Variants in BACE1 observed in about 807,000 individuals in gnomAD.
BACE1 encodes APP beta-secretase.
A neutral mutation model predicts 54.0 loss-of-function variants in BACE1; 21 were observed. That is an observed-to-expected ratio of 0.39 (90% CI 0.28 to 0.56). The LOEUF (loss-of-function observed/expected upper bound fraction) is 0.56. Ranked by LOEUF, BACE1 falls within the 20% of genes least tolerant of loss-of-function variation. BACE1 has a pLI of 0.63. For missense variants in BACE1, 511 were observed against 661.2 expected (o/e 0.77, Z 2.49); for synonymous variants, 232 against 260.9 (o/e 0.89, Z 1.07).
rs1415761194 is a variant in BACE1, at chr11:117,287,692, C to G, written c.*1874G>C. 1.3e-5 allele frequency: 2 copies of G among 152,578 alleles called. No homozygotes were observed. The highest frequency in any genetic ancestry group is 2.9e-5 in the Non-Finnish European group (2 of 68,012). The allele number at this position is 152,578 out of a possible 1,614,324, so 9.5% of individuals were successfully genotyped here. Reference sequence around the variant, plus strand: ...TGAAAGTTTATTTACACAGTAAGTTCCGAGCTAGAAGTGGACAGTCTCCAG... The same window carrying G: ...TGAAAGTTTATTTACACAGTAAGTTGCGAGCTAGAAGTGGACAGTCTCCAG... On this transcript the variant is annotated 3_prime_UTR_variant, in exon 9 of 9. Transcript: ENST00000313005.
At chr11:117,298,419 A>G (rs968897680) in intron 1 of BACE1, among the ~76,000 whole-genome samples, 12 of 152,094 alleles carry the variant, frequency 7.9e-5, no homozygotes, top group African/African-American at 2.9e-4. Context: ...ATGTCTCTCT[A>G]CCGTCACATC....
At chr11:117,306,342 C>T (rs887087853) in intron 1 of BACE1, among the ~76,000 whole-genome samples, 19 of 152,156 alleles carry the variant, frequency 1.2e-4, no homozygotes, top group African/African-American at 4.3e-4. Flanking sequence ...CTTGTCCCAC[C>T]CACAGGTTAC....
intron 1 of BACE1, among the ~76,000 whole-genome samples, chr11:117,307,821 C>T (rs2034864194): frequency 6.6e-6 from 1 of 152,128 alleles, no homozygotes; most frequent in African/African-American, 2.4e-5. Context: ...GGCTTGTGTG[C>T]AACCCGAGGC....
At chr11:117,300,455 C>CG (rs28989488) in intron 1 of BACE1, among the ~76,000 whole-genome samples, 7,434 of 152,158 alleles carry the variant, frequency 0.049, 605 homozygotes, top group African/African-American at 0.17. Flanking sequence ...CCATTCCAAG[C>CG]GGGGGGATGG....
intron 1 of BACE1, among the ~76,000 whole-genome samples, chr11:117,313,163 A>G (rs1274507829): frequency 6.6e-6 from 1 of 152,198 alleles, no homozygotes; most frequent in African/African-American, 2.4e-5. Flanking sequence ...AGATGGGGAG[A>G]GAGTCCAAGC....
chr11:117,300,226 C>T (rs1310780718), intron 1 of BACE1, among the ~76,000 whole-genome samples: 2 of 152,100 alleles, frequency 1.3e-5, no homozygotes, highest in Non-Finnish European at 2.9e-5. Flanking sequence ...CCCAATACTA[C>T]GATTTCAGGT....
Position 117,295,274 on chromosome 11 carries a change from C to A in BACE1, c.424G>T (p.Gly142Cys), listed in dbSNP as rs1260612355. The stretch of plus-strand genomic sequence containing the variant: ...TGGGGGATGCTTACCAGGTCGGTGC[C>A]CAGCTCCCCTTCCCACTTGCCCTGG... ...YTQGKWEGEL[G>C]TDLVSIPHGP... is the part of the protein sequence containing the mutation. The change falls in exon 3 of 9, where the codon GGC (glycine) becomes TGC (cysteine). Residue 142 changes from glycine to cysteine, a missense_variant. Physicochemically the swap from Gly to Cys is radical, Grantham distance 159. Transcript: ENST00000313005. 6.2e-7 allele frequency: 1 copy of A among 1,614,078 alleles called. No homozygotes were observed. Among genetic ancestry groups the A allele is most frequent in the Non-Finnish European group, 8.5e-7 (1 of 1,180,060 alleles).
intron 1 of BACE1, among the ~76,000 whole-genome samples, chr11:117,297,756 G>T (rs1431303149): frequency 6.6e-6 from 1 of 152,210 alleles, no homozygotes; most frequent in Admixed American, 6.5e-5. Context: ...GGTGATGTAT[G>T]TGTCTTTCAG....
intron 1 of BACE1, among the ~76,000 whole-genome samples, chr11:117,311,225 C>T (rs1033635253): frequency 1.3e-5 from 2 of 152,030 alleles, no homozygotes; most frequent in African/African-American, 4.8e-5. Flanking sequence ...TGCCTGTAAT[C>T]CAAGTTACTC....
chr11:117,289,539 ATC>A lies in BACE1; in HGVS notation c.*25_*26del, dbSNP rs763190161. On this transcript the variant is annotated 3_prime_UTR_variant, in exon 9 of 9. Coordinates refer to ENST00000313005, the MANE Select transcript of BACE1 (RefSeq NM_012104.6). Reference sequence around the variant, plus strand: ...AACCACGGAGGTGTGGTCCAGGGGAATCTCTATCTTCTGCCCATGGGCCTCCT... The same window carrying A: ...AACCACGGAGGTGTGGTCCAGGGGAATCTATCTTCTGCCCATGGGCCTCCT... 5.6e-6 allele frequency: 9 copies of A among 1,611,416 alleles called. No individual in the cohort carries two copies. Among genetic ancestry groups the A allele is most frequent in the East Asian group, 2.2e-5 (1 of 44,844 alleles).
chr11:117,314,924 G>A (rs2035050600), intron 1 of BACE1, among the ~76,000 whole-genome samples: 1 of 152,020 alleles, frequency 6.6e-6, no homozygotes, highest in Admixed American at 6.6e-5. Context: ...GGGCCGGAGT[G>A]TAGACCGCGA....
At chr11:117,306,243 C>T (rs995686728) in intron 1 of BACE1, among the ~76,000 whole-genome samples, 2 of 152,164 alleles carry the variant, frequency 1.3e-5, no homozygotes, top group African/African-American at 4.8e-5. Context: ...CGGAACCCAC[C>T]TGGAAAACCC....
In BACE1 at chr11:117,291,079, G is replaced by A. The variant is rs539448228; in HGVS notation, c.943-30C>T. On this transcript the variant is annotated intron_variant, in intron 6 of 8. Coordinates refer to ENST00000313005, the MANE Select transcript of BACE1 (RefSeq NM_012104.6). ...GTTGGCAAGAAGGGGATAACAATGA[G>A]GAAAAGCCTCTTTATCATCTCGCCC... The A allele has an allele frequency of 1.7e-5, 27 of 1,608,908 alleles. No individual in the cohort carries two copies. The South Asian group carries it at 2.6e-4, about 16-fold the overall frequency.
intron 1 of BACE1, among the ~76,000 whole-genome samples, chr11:117,311,070 G>C (rs1047817873): frequency 6.6e-6 from 1 of 151,344 alleles, no homozygotes; most frequent in Non-Finnish European, 1.5e-5. Context: ...CTGAAGTAAA[G>C]ACCTTTTATA....
intron 3 of BACE1, 90 bp downstream of exon 3, chr11:117,295,041 C>T: frequency 7.6e-7 from 1 of 1,317,118 alleles, no homozygotes; most frequent in Non-Finnish European, 1.1e-6. Context: ...TGTTGCCCTC[C>T]TTCTGCTAAT....
At position 117,293,038 on chromosome 11, in the gene BACE1, C is replaced by T; in HGVS notation, c.840+16G>A. 1.2e-6 allele frequency: 2 copies of T among 1,613,344 alleles called. No homozygotes were observed. The highest frequency in any genetic ancestry group is 1.7e-6 in the Non-Finnish European group (2 of 1,179,636). ...CTACCCCCTTATGTTCCCAGGCTCTCCCTTGGTTTTCTTACCTCCTTGCAG... is the reference window on the plus strand; with the variant it reads ...CTACCCCCTTATGTTCCCAGGCTCTTCCTTGGTTTTCTTACCTCCTTGCAG... On this transcript the variant is annotated intron_variant, in intron 5 of 8. Coordinates refer to ENST00000313005, the MANE Select transcript of BACE1 (RefSeq NM_012104.6). The surrounding 1 kb of genome is among the most constrained non-coding windows in gnomAD (Gnocchi z 4.1).
chr11:117,295,057 T>G (rs2034561515), intron 3 of BACE1, 74 bp downstream of exon 3: 5 of 1,413,510 alleles, frequency 3.5e-6, no homozygotes, highest in Non-Finnish European at 4.0e-6. Flanking sequence ...CTAATTCCCC[T>G]TCTCTCTCCT....
chr11:117,303,012 G>A (rs1445332174), intron 1 of BACE1, among the ~76,000 whole-genome samples: 2 of 152,180 alleles, frequency 1.3e-5, no homozygotes, highest in African/African-American at 4.8e-5. Context: ...ACGGTGCCTA[G>A]CAATAATGTT....
chr11:117,299,756 A>G lies in BACE1; in HGVS notation c.262-2795T>C, dbSNP rs939201627. ...GAGGCTCAGCAGTTCAGATGAAATC[A>G]ACCAGGTTAATGATTAAGAAGGCTT... is the stretch of plus-strand genomic sequence containing the variant. On this transcript the variant is annotated intron_variant, in intron 1 of 8. Coordinates refer to ENST00000313005, the MANE Select transcript of BACE1 (RefSeq NM_012104.6). The G allele has an allele frequency of 4.8e-5, 15 of 311,788 alleles. No individual in the cohort carries two copies. The East Asian group carries it at 2.1e-3, about 43-fold the overall frequency. The allele number at this position is 311,788 out of a possible 1,614,324, so 19.3% of individuals were successfully genotyped here.
Sources: gnomAD v4.1 joint callset for allele counts (sites outside exome capture counted in the v4.1 genomes callset) on GRCh38, gnomAD v4.1.1 for gene constraint, Gnocchi (gnomAD v3.1) non-coding constraint, MANE v1.5 for transcripts, NCBI Gene and HGNC (gene_info 2026-07-23, HGNC 2026-07-21) for gene names.